MED12L: variants seen among roughly 807,000 people sequenced by gnomAD.
MED12L encodes mediator of RNA polymerase II transcription subunit 12-like protein.
In MED12L, 60 loss-of-function variants were observed where a neutral mutation model predicts 281.3. That is an observed-to-expected ratio of 0.21 (90% CI 0.17 to 0.26). The LOEUF is 0.26. MED12L is among the 10% of genes least tolerant of loss of function. MED12L has a pLI of 1.00. For missense variants in MED12L, 2,146 were observed against 2,680.9 expected, an observed-to-expected ratio of 0.80 and a Z score of 4.41; for synonymous variants, 974 against 987.2, an observed-to-expected ratio of 0.99 and a Z score of 0.25.
At chr3:151,154,660 A>C (rs1323834223) in intron 5 of MED12L, among the ~76,000 whole-genome samples, 1 of 152,234 alleles carries the variant, frequency 6.6e-6, no homozygotes, top group East Asian at 1.9e-4. Context: ...AAGGGTTGGC[A>C]TACAAAAGTT....
chr3:151,374,274 G>A lies in MED12L; in HGVS notation c.3864+1508G>A, dbSNP rs140898410. Among the ~76,000 whole-genome samples the A allele has an allele frequency of 8.9e-4, 135 of 152,328 alleles. 1 individual carries two copies. Among genetic ancestry groups the A allele is most frequent in the East Asian group, 3.5e-3 (18 of 5,184 alleles). Reference sequence around the variant, plus strand: ...TCAAAAATGTACACTAGGCTAGGGCGCAGCGGCTCAAGCCTGTAATCCCAG... The same window carrying A: ...TCAAAAATGTACACTAGGCTAGGGCACAGCGGCTCAAGCCTGTAATCCCAG... On this transcript the variant is annotated intron_variant, in intron 27 of 44. Coordinates refer to ENST00000687756, the MANE Select transcript of MED12L (RefSeq NM_001393769.1).
At chr3:151,368,614 TATTTTATTTTATTTTATTTCATTTC>T (rs1755617800) in intron 25 of MED12L, among the ~76,000 whole-genome samples, 6 of 74,144 alleles carry the variant, frequency 8.1e-5, no homozygotes, top group East Asian at 5.9e-4. Flanking sequence ...TATTTTATTT[TATTTTATTTTATTTTATTTCATTTC>T]ATTTCATTTC....
chr3:151,173,915 C>T (rs1431496), intron 11 of MED12L, among the ~76,000 whole-genome samples: 11,256 of 152,164 alleles, frequency 0.074, 960 homozygotes, highest in African/African-American at 0.2. Flanking sequence ...TTACTTTGAT[C>T]TTCATAAAAG....
rs180955183 is a variant in MED12L at position 151,430,026 on chromosome 3, C to T, written c.6409-273C>T. 6.4e-4 allele frequency among the ~76,000 whole-genome samples: 97 copies of T among 152,304 alleles called. 1 individual carries two copies. The highest frequency in any genetic ancestry group is 2.0e-3 in the African/African-American group (82 of 41,552). Reference sequence around the variant, plus strand: ...CCAGGATCTTTGAGCTGCTGAGCTACGTCTGTAGTGTGGAGTTCTTCATTG... The same window carrying T: ...CCAGGATCTTTGAGCTGCTGAGCTATGTCTGTAGTGTGGAGTTCTTCATTG... On this transcript the variant is annotated intron_variant, in intron 43 of 44. Transcript: ENST00000687756.
At chr3:151,243,874 C>G (rs1277925502) in intron 16 of MED12L, among the ~76,000 whole-genome samples, 3 of 149,608 alleles carry the variant, frequency 2.0e-5, no homozygotes, top group Admixed American at 2.0e-4. Flanking sequence ...GGAAACCCAT[C>G]TCACGTGCAG....
intron 11 of MED12L, among the ~76,000 whole-genome samples, chr3:151,170,618 C>T (rs1034118246): frequency 3.3e-5 from 5 of 152,088 alleles, no homozygotes; most frequent in South Asian, 2.1e-4. Flanking sequence ...TGCCCTTTAC[C>T]GCCCCATTTC....
At chr3:151,138,771 A>G (rs1716505999) in intron 5 of MED12L, among the ~76,000 whole-genome samples, 1 of 152,168 alleles carries the variant, frequency 6.6e-6, no homozygotes, top group South Asian at 2.1e-4. Flanking sequence ...ATGACTATTG[A>G]TGTTAACCTT....
At chr3:151,328,515 A>G (rs759657742) in intron 16 of MED12L, 7 of 1,614,032 alleles carry the variant, frequency 4.3e-6, no homozygotes, top group Non-Finnish European at 3.4e-6. Flanking sequence ...TTGTTGCTCA[A>G]GATCGTATTT....
rs145715137 is a variant in MED12L, at chr3:151,093,547, C to G, written c.99+6522C>G. Among the ~76,000 whole-genome samples the G allele has an allele frequency of 6.6e-5, 10 of 152,334 alleles. No homozygotes were observed. The East Asian group carries it at 1.9e-3, about 29-fold the overall frequency. Reference sequence around the variant, plus strand: ...ATTAGAATCTTTTGGATAATAAATACTACTCGAAGTATAGTACCTTTTGGT... The same window carrying G: ...ATTAGAATCTTTTGGATAATAAATAGTACTCGAAGTATAGTACCTTTTGGT... On this transcript the variant is annotated intron_variant, in intron 2 of 44. Coordinates refer to ENST00000687756, the MANE Select transcript of MED12L (RefSeq NM_001393769.1).
intron 11 of MED12L, among the ~76,000 whole-genome samples, chr3:151,177,331 A>G (rs2149036482): frequency 6.6e-6 from 1 of 151,610 alleles, no homozygotes; most frequent in East Asian, 1.9e-4. Context: ...AGCATGGTAT[A>G]GCAGAATGTA....
Position 151,156,324 on chromosome 3 carries a change from G to A in MED12L, c.720G>A (p.Met240Ile). 1 of 1,604,090 alleles carries A rather than the reference G, an allele frequency of 6.2e-7. No individual in the cohort carries two copies. The highest frequency in any genetic ancestry group is 1.1e-5 in the South Asian group (1 of 89,026). ...ACAACGAAAAGCTAGCATTTCACAT[G>A]TTCCAGGTAACCTTTTGAAGACATG... is the stretch of plus-strand genomic sequence containing the variant. ...WEYNEKLAFH[M>I]FQEGMLEKHE... The change falls in exon 6 of 45, where the codon ATG (methionine) becomes ATA (isoleucine). Residue 240 changes from methionine to isoleucine, a missense_variant. Around this residue, in one of 9 missense-constraint regions of MED12L, gnomAD observed 722 missense variants for 861.2 expected, o/e 0.84. Transcript: ENST00000687756.
chr3:151,375,927 C>A (rs1040315483), intron 27 of MED12L, 99 bp from the exon 28 acceptor site: 1 of 622,242 alleles, frequency 1.6e-6, no homozygotes. Flanking sequence ...AAATTCCTAT[C>A]AGTTTTCTAT....
chr3:151,312,142 C>A lies in MED12L; in HGVS notation c.2251-37917C>A, dbSNP rs183828388. On this transcript the variant is annotated intron_variant, in intron 16 of 44. Coordinates refer to ENST00000687756, the MANE Select transcript of MED12L (RefSeq NM_001393769.1). The stretch of plus-strand genomic sequence containing the variant: ...TTTGAAAGGCCCAGTGATTTATTTT[C>A]AGTTTTATTTGTAATTTTGGGGCCT... 1.4e-3 allele frequency among the ~76,000 whole-genome samples: 216 copies of A among 152,290 alleles called. 1 individual carries two copies. The highest frequency in any genetic ancestry group is 4.8e-3 in the African/African-American group (199 of 41,570).
At chr3:151,428,933 T>TA (rs1432685814) in intron 43 of MED12L, among the ~76,000 whole-genome samples, 2 of 152,272 alleles carry the variant, frequency 1.3e-5, no homozygotes, top group African/African-American at 4.8e-5. Context: ...TTTTATTTGC[T>TA]AAATCTAGCA....
intron 16 of MED12L, among the ~76,000 whole-genome samples, chr3:151,301,138 C>T (rs1490391442): frequency 1.3e-5 from 2 of 152,010 alleles, no homozygotes; most frequent in Non-Finnish European, 2.9e-5. Flanking sequence ...TCTCAGAATC[C>T]CTCCTTTTTG....
At chr3:151,244,997 G>T (rs891886470) in intron 16 of MED12L, among the ~76,000 whole-genome samples, 1 of 130,862 alleles carries the variant, frequency 7.6e-6, no homozygotes, top group Non-Finnish European at 1.7e-5. Context: ...ACACCTCTAC[G>T]CAAATAAACT....
At chr3:151,247,710 A>G (rs1381855867) in intron 16 of MED12L, among the ~76,000 whole-genome samples, 3 of 149,130 alleles carry the variant, frequency 2.0e-5, no homozygotes, top group Non-Finnish European at 3.0e-5. Context: ...ATGTATACAT[A>G]TGTAACTAAC....
At chr3:151,192,022 A>C (rs905539781) in intron 14 of MED12L, among the ~76,000 whole-genome samples, 3 of 152,192 alleles carry the variant, frequency 2.0e-5, no homozygotes, top group Admixed American at 2.0e-4. Flanking sequence ...GCAAACATGG[A>C]TTCATAGTTC....
At chr3:151,156,584 C>T (rs750628530) in intron 6 of MED12L, among the ~76,000 whole-genome samples, 3 of 152,168 alleles carry the variant, frequency 2.0e-5, no homozygotes, top group Admixed American at 1.3e-4. Flanking sequence ...TTCGTAATTG[C>T]ACTATTAAAT....
Sources: allele counts gnomAD v4.1 joint callset (sites outside exome capture counted in the v4.1 genomes callset), GRCh38; gene constraint gnomAD v4.1.1; regional missense constraint gnomAD v4.1.1; transcripts MANE v1.5; gene names NCBI Gene and HGNC (gene_info 2026-07-23, HGNC 2026-07-21).